The following GEN1 variants were observed in gnomAD, a reference collection of about 807,000 sequenced individuals.
The protein encoded by GEN1 is flap endonuclease GEN homolog 1.
GEN1 carries 64 observed loss-of-function variants against 67.6 expected under a neutral mutation model. That is an observed-to-expected ratio of 0.95 (90% confidence interval 0.77 to 1.17). The LOEUF (loss-of-function observed/expected upper bound fraction) is 1.17. Among genes scored for constraint, GEN1 ranks in the 50% most tolerant of loss-of-function variants. The pLI is 0.00. For missense variants in GEN1, 1,058 were observed against 1,048.3 expected (o/e 1.01, Z -0.13); for synonymous variants, 371 against 359.4 (o/e 1.03, Z -0.37).
intron 6 of GEN1, among the ~76,000 whole-genome samples, chr2:17,769,186 C>T (rs1279652128): frequency 3.3e-5 from 5 of 151,836 alleles, no homozygotes; most frequent in South Asian, 2.1e-4. Flanking sequence ...TGCCCAGCCA[C>T]CATACTACAT....
intron 11 of GEN1, among the ~76,000 whole-genome samples, chr2:17,775,704 A>G (rs926578460): frequency 2.0e-5 from 3 of 152,328 alleles, no homozygotes; most frequent in Non-Finnish European, 4.4e-5. Context: ...GGTATCTTCA[A>G]AAGTGGAGAA....
Position 17,778,336 on chromosome 2 carries a change from G to A in GEN1, c.1264+273G>A, listed in dbSNP as rs1189934285. Among the ~76,000 whole-genome samples, 2 of 28,742 alleles carry A rather than the reference G, an allele frequency of 7.0e-5. 1 individual carries two copies. The highest frequency in any genetic ancestry group is 1.6e-4 in the African/African-American group (2 of 12,234). 18.9% of individuals were successfully genotyped at this position (28,742 alleles called of 152,430 possible). A position where few individuals can be genotyped will look rare whatever the true frequency, so the allele number is the denominator to read the frequency against. Reference sequence around the variant, plus strand: ...TATACACACACACGTGTACATATATGTATACACACACATGTGTGTACATAT... The same window carrying A: ...TATACACACACACGTGTACATATATATATACACACACATGTGTGTACATAT... On this transcript the variant is annotated intron_variant, in intron 12 of 13. Transcript: ENST00000381254.
chr2:17,778,379 T>TATATGTATATACACAC lies in GEN1; in HGVS notation c.1264+322_1264+323insATATACACACATATGT. On this transcript the variant is annotated intron_variant, in intron 12 of 13. Transcript: ENST00000381254. Reference sequence around the variant, plus strand: ...GTACATATATGTATATACACACACATATATGTGTGTACATATATGTATATA... The same window carrying TATATGTATATACACAC: ...GTACATATATGTATATACACACACATATATGTATATACACACATATGTGTGTACATATATGTATATA... Among the ~76,000 whole-genome samples the TATATGTATATACACAC allele has an allele frequency of 2.7e-4, 5 of 18,314 alleles. 2 individuals carry two copies. The highest frequency in any genetic ancestry group is 8.0e-4 in the African/African-American group (5 of 6,226). 12.0% of individuals were successfully genotyped at this position (18,314 alleles called of 152,430 possible). A position where few individuals can be genotyped will look rare whatever the true frequency, so the allele number is the denominator to read the frequency against.
intron 6 of GEN1, among the ~76,000 whole-genome samples, chr2:17,769,067 T>G (rs1223485783): frequency 1.3e-5 from 2 of 152,086 alleles, no homozygotes; most frequent in Non-Finnish European, 2.9e-5. Flanking sequence ...TCGCCTAGGC[T>G]GCAGTGCAGT....
At chr2:17,755,995 C>A (rs1348450797) in intron 1 of GEN1, among the ~76,000 whole-genome samples, 1 of 152,130 alleles carries the variant, frequency 6.6e-6, no homozygotes, top group Non-Finnish European at 1.5e-5. Flanking sequence ...AATTTATGTT[C>A]TTTCTATTAT....
At chr2:17,778,742 G>T (rs1205017194) in intron 12 of GEN1, among the ~76,000 whole-genome samples, 1 of 151,276 alleles carries the variant, frequency 6.6e-6, no homozygotes, top group Non-Finnish European at 1.5e-5. Context: ...AAAAAATTGA[G>T]ATTGTTAAAA....
rs1672900343 is a variant in GEN1, at chr2:17,782,670, T to G, written c.*731T>G. 6.6e-6 allele frequency: 1 copy of G among 152,220 alleles called. No individual in the cohort carries two copies. The highest frequency in any genetic ancestry group is 2.4e-5 in the African/African-American group (1 of 41,470). The allele number at this position is 152,220 out of a possible 1,614,324, so 9.4% of individuals were successfully genotyped here. A position where few individuals can be genotyped will look rare whatever the true frequency, so the allele number is the denominator to read the frequency against. On this transcript the variant is annotated 3_prime_UTR_variant, in exon 14 of 14. Transcript: ENST00000381254. ...CAGGTATATCGGGTGGAAAAAGATTTGGAAAATCAAATGTATAACCAAAAG... is the reference window on the plus strand; with the variant it reads ...CAGGTATATCGGGTGGAAAAAGATTGGGAAAATCAAATGTATAACCAAAAG...
chr2:17,766,628 G>A lies in GEN1; in HGVS notation c.575G>A (p.Gly192Asp), dbSNP rs1671948591. 3 of 1,610,388 alleles carry A rather than the reference G, an allele frequency of 1.9e-6. No individual in the cohort carries two copies. In the Admixed American group the frequency reaches 5.0e-5, roughly 27 times the overall value. The change falls in exon 5 of 14, where the codon GGT (glycine) becomes GAT (aspartate). Residue 192 changes from glycine (G) to aspartate (D), a missense_variant. Physicochemically the swap from Gly to Asp is moderately conservative, Grantham distance 94 (BLOSUM62 -1). Transcript: ENST00000381254. ...ATGTCATCTATCAAGAGTAAACTAG[G>A]TTTGGATAGAGATGCTCTGGTTGGA... ...YTMSSIKSKL[G>D]LDRDALVGLA...
At chr2:17,760,197 T>C in intron 2 of GEN1, 93 bp downstream of exon 2, 1 of 1,217,646 alleles carries the variant, frequency 8.2e-7, no homozygotes, top group Non-Finnish European at 1.1e-6. Context: ...TTTGTTGTTG[T>C]TATTCTTTTA....
Position 17,780,921 on chromosome 2 carries a change from C to A in GEN1, c.1709C>A (p.Pro570His), listed in dbSNP as rs1672795795. Residue 570 changes from proline (P) to histidine (H), a missense_variant, in exon 14 of 14, where the codon CCC becomes CAC. Transcript: ENST00000381254. ...SKSLISESSQPNTSSHNISVI... is the reference protein window; with the variant it reads ...SKSLISESSQHNTSSHNISVI... ...TCTCTAATTTCAGAATCTAGTCAAC[C>A]CAATACCTCATCTCATAATATATCC... is the stretch of plus-strand genomic sequence containing the variant. 1 of 1,613,668 alleles carries A rather than the reference C, an allele frequency of 6.2e-7. No homozygotes were observed. Among genetic ancestry groups the A allele is most frequent in the Admixed American group, 1.7e-5 (1 of 59,984 alleles).
rs749816107 is a variant in GEN1, at chr2:17,782,149, T to G, written c.*210T>G. ...TCTGTATTGAAAACTTCTGATAATG[T>G]ATGTCATTATGTCCTTACTATTCCT... is the stretch of plus-strand genomic sequence containing the variant. On this transcript the variant is annotated 3_prime_UTR_variant, in exon 14 of 14. Coordinates refer to ENST00000381254, the MANE Select transcript of GEN1 (RefSeq NM_001130009.3). 2.4e-6 allele frequency: 1 copy of G among 424,972 alleles called. No individual in the cohort carries two copies. The highest frequency in any genetic ancestry group is 2.0e-5 in the African/African-American group (1 of 48,790). 26.3% of individuals were successfully genotyped at this position (424,972 alleles called of 1,614,324 possible).
intron 5 of GEN1, 87 bp downstream of exon 5, chr2:17,766,776 A>G (rs895418096): frequency 4.6e-6 from 3 of 647,522 alleles, no homozygotes; most frequent in African/African-American, 3.8e-5. Flanking sequence ...TAATATGGCT[A>G]TATGATTAAA....
chr2:17,783,089 TCA>T lies in GEN1; in HGVS notation c.*1152_*1153del, dbSNP rs1672921715. On this transcript the variant is annotated 3_prime_UTR_variant, in exon 14 of 14. Coordinates refer to ENST00000381254, the MANE Select transcript of GEN1 (RefSeq NM_001130009.3). ...GTTTGTTTTTTTTTGAGACAGAGTC[TCA>T]CTCTTGTCGAGACTGGGGTGTAGTG... The T allele has an allele frequency of 6.6e-6, 1 of 152,228 alleles. No individual in the cohort carries two copies. Among genetic ancestry groups the T allele is most frequent in the South Asian group, 2.1e-4 (1 of 4,830 alleles). The allele number at this position is 152,228 out of a possible 1,614,324, so 9.4% of individuals were successfully genotyped here.
chr2:17,758,031 C>T lies in GEN1; in HGVS notation c.-15-1898C>T, dbSNP rs186536554. 2.0e-5 allele frequency among the ~76,000 whole-genome samples: 3 copies of T among 152,240 alleles called. No homozygotes were observed. The East Asian group carries it at 5.8e-4, about 29-fold the overall frequency. On this transcript the variant is annotated intron_variant, in intron 1 of 13. Transcript: ENST00000381254. ...AGTTGGGTCAGTTTTTTTATTAGTACATGTATTTCTATCCTACTGATTTAT... is the reference window on the plus strand; with the variant it reads ...AGTTGGGTCAGTTTTTTTATTAGTATATGTATTTCTATCCTACTGATTTAT...
At position 17,781,151 on chromosome 2, in the gene GEN1, T is replaced by C. The variant is rs1672811048; in HGVS notation, c.1939T>C (p.Leu647=). The C allele has an allele frequency of 1.2e-6, 2 of 1,613,946 alleles. No homozygotes were observed. Among genetic ancestry groups the C allele is most frequent in the Non-Finnish European group, 1.7e-6 (2 of 1,179,900 alleles). ...ERYTANIKKV[L]DEDSDGISPE... is the part of the protein sequence containing the mutation. ...GTACACTGCAAACATAAAGAAAGTG[T>C]TGGATGAGGATTCTGATGGGATTAG... is the stretch of plus-strand genomic sequence containing the variant. The change falls in exon 14 of 14, where the codon TTG becomes CTG. Residue 647 remains leucine (L), a synonymous_variant. Transcript: ENST00000381254.
rs1257886185 is a variant in GEN1 at position 17,781,972 on chromosome 2, T to C, written c.*33T>C. ...AACACTTAGGTATAACTTAACTATT[T>C]TAGTACTATCAGCAATAGCAGAGAC... On this transcript the variant is annotated 3_prime_UTR_variant, in exon 14 of 14. Transcript: ENST00000381254. The C allele has an allele frequency of 8.2e-7, 1 of 1,223,750 alleles. No homozygotes were observed. Among genetic ancestry groups the C allele is most frequent in the Admixed American group, 2.4e-5 (1 of 41,650 alleles). The allele number at this position is 1,223,750 out of a possible 1,614,324, so 75.8% of individuals were successfully genotyped here. A position where few individuals can be genotyped will look rare whatever the true frequency, so the allele number is the denominator to read the frequency against.
At chr2:17,777,966 T>A in intron 11 of GEN1, 36 bp from the exon 12 acceptor site, 1 of 1,159,992 alleles carries the variant, frequency 8.6e-7, no homozygotes, top group Non-Finnish European at 1.3e-6. Context: ...AAATATCTTA[T>A]GCAATTAGAC....
chr2:17,756,972 A>G (rs1193111876), intron 1 of GEN1, among the ~76,000 whole-genome samples: 2 of 152,224 alleles, frequency 1.3e-5, no homozygotes, highest in Non-Finnish European at 2.9e-5. Context: ...AATGGAAAAC[A>G]ATTGATGATG....
At chr2:17,765,109 A>G (rs1211705809) in intron 4 of GEN1, 36 bp downstream of exon 4, 2 of 1,593,720 alleles carry the variant, frequency 1.3e-6, no homozygotes, top group Non-Finnish European at 1.7e-6. Context: ...GCATTTGTTT[A>G]CGAACTACCT....
Sources: allele counts gnomAD v4.1 joint callset (sites outside exome capture counted in the v4.1 genomes callset), GRCh38; gene constraint gnomAD v4.1.1; transcripts MANE v1.5; gene names NCBI Gene and HGNC (gene_info 2026-07-23, HGNC 2026-07-21).